TPRX2: variants seen among roughly 807,000 people sequenced by gnomAD.
TPRX2 encodes tetrapeptide repeat homeobox protein 2.
chr19:47,859,764 G>GA, the TPRX2 span, among the ~76,000 whole-genome samples: 8 of 150,562 alleles, frequency 5.3e-5, no homozygotes, highest in African/African-American at 1.9e-4. Context: ...TGGAGCAGAG[G>GA]ACTGGGCAGG....
chr19:47,860,319 C>G, the TPRX2 span: 4 of 1,412,600 alleles, frequency 2.8e-6, no homozygotes, highest in Non-Finnish European at 3.9e-6. Context: ...GCCCCAGTCA[C>G]CCCAAGGAGC....
chr19:47,861,430 C>A, the TPRX2 span: 2 of 675,618 alleles, frequency 3.0e-6, no homozygotes, highest in Non-Finnish European at 4.8e-6. Context: ...TCCTCACTCT[C>A]CACCACGACG....
At chr19:47,860,412 C>G in the TPRX2 span, 7 of 695,574 alleles carry the variant, frequency 1.0e-5, 1 homozygote, top group African/African-American at 1.3e-4. Flanking sequence ...CCAGTGTAGA[C>G]CCGGGCTGCA....
chr19:47,860,659 G>T, the TPRX2 span: 10 of 698,078 alleles, frequency 1.4e-5, no homozygotes, highest in African/African-American at 1.1e-4. Context: ...CTCCAGGCCT[G>T]GGAGCCGGGG....
chr19:47,860,591 C>A, the TPRX2 span, among the ~76,000 whole-genome samples: 3 of 151,758 alleles, frequency 2.0e-5, no homozygotes, highest in Non-Finnish European at 2.9e-5. Flanking sequence ...GCAGACCCGG[C>A]TCCTCCCCTC....
At chr19:47,860,853 C>T in the TPRX2 span, 3 of 1,532,396 alleles carry the variant, frequency 2.0e-6, no homozygotes, top group East Asian at 2.4e-5. Context: ...GCGGCTCCAG[C>T]AGCAGCCCCA....
At chr19:47,860,609 A>AC in the TPRX2 span, among the ~76,000 whole-genome samples, 1 of 48,794 alleles carries the variant, frequency 2.0e-5, no homozygotes, top group African/African-American at 8.0e-5. Context: ...CTCCCACCCC[A>AC]CCCTCCTCCC....
chr19:47,860,804 G>T, the TPRX2 span: 26 of 1,542,196 alleles, frequency 1.7e-5, no homozygotes, highest in Non-Finnish European at 2.3e-5. Flanking sequence ...CCCCCCAGGT[G>T]TGGTTCAAGA....
the TPRX2 span, chr19:47,861,121 C>A: frequency 1.4e-6 from 1 of 702,760 alleles, no homozygotes; most frequent in East Asian, 2.7e-5. Context: ...ATCCCAGCCC[C>A]TATCCCAGGC....
chr19:47,861,027 T>G, the TPRX2 span: 3 of 911,752 alleles, frequency 3.3e-6, no homozygotes, highest in Non-Finnish European at 3.5e-6. Context: ...ACCGAAGATC[T>G]ACAGCCTCCC....
At chr19:47,861,078 C>A in the TPRX2 span, 1 of 728,506 alleles carries the variant, frequency 1.4e-6, no homozygotes, top group South Asian at 1.5e-5. Context: ...ACAGGAGGGC[C>A]TCAAGGCTGT....
At chr19:47,860,676 A>T in the TPRX2 span, 4 of 913,696 alleles carry the variant, frequency 4.4e-6, no homozygotes, top group Non-Finnish European at 5.9e-6. Context: ...GGGGGCCCTC[A>T]TATGGTGGGT....
the TPRX2 span, chr19:47,861,263 C>G: frequency 2.1e-5 from 11 of 519,466 alleles, no homozygotes; most frequent in South Asian, 1.7e-4. Context: ...CAGACCCAGT[C>G]CTAGGCCGAA....
the TPRX2 span, chr19:47,861,119 C>T: frequency 4.5e-5 from 32 of 703,440 alleles, no homozygotes; most frequent in East Asian, 8.7e-4. Context: ...CAATCCCAGC[C>T]CCTATCCCAG....
the TPRX2 span, chr19:47,861,318 G>A: frequency 1.0e-5 from 5 of 480,100 alleles, no homozygotes; most frequent in East Asian, 1.9e-4. Context: ...AGCCCCAGGC[G>A]CCTTGTGGCC....
the TPRX2 span, chr19:47,861,179 C>T: frequency 3.0e-6 from 2 of 665,296 alleles, no homozygotes; most frequent in Middle Eastern, 2.4e-4. Flanking sequence ...CGAATTTAGG[C>T]CCAATGTCAG....
chr19:47,860,502 G>T, the TPRX2 span, among the ~76,000 whole-genome samples: 1 of 151,264 alleles, frequency 6.6e-6, no homozygotes, highest in Admixed American at 6.6e-5. Context: ...GGGGTCTCCC[G>T]GTGCCCGGAC....
the TPRX2 span, chr19:47,860,748 C>A: frequency 1.3e-6 from 2 of 1,500,436 alleles, no homozygotes. Flanking sequence ...GCGGCTCACC[C>A]GGGCCGCGCG....
chr19:47,861,191 C>A, the TPRX2 span: 1 of 650,074 alleles, frequency 1.5e-6, no homozygotes, highest in Non-Finnish European at 2.9e-6. Context: ...CAATGTCAGG[C>A]CCACTGTCAG....
Sources: allele counts gnomAD v4.1 joint callset (sites outside exome capture counted in the v4.1 genomes callset), GRCh38; gene constraint gnomAD v4.1.1; transcripts MANE v1.5; gene names NCBI Gene and HGNC (gene_info 2026-07-23, HGNC 2026-07-21).